The following ITPR1 variants were observed in gnomAD, a reference collection of about 807,000 sequenced individuals.
ITPR1 encodes inositol 1,4,5-trisphosphate-gated calcium channel ITPR1.
Under a neutral mutation model 318.4 loss-of-function variants are expected in ITPR1, and 96 were observed. That is an observed-to-expected ratio of 0.30 (90% CI 0.26 to 0.36). The LOEUF is 0.36. Among genes scored for constraint, ITPR1 ranks in the 10% least tolerant of loss-of-function variants. ITPR1 has a pLI of 1.00. For synonymous variants in ITPR1, 1,312 were observed against 1,289.9 expected, an observed-to-expected ratio of 1.02 and a Z score of -0.37; for missense variants, 2,440 against 3,460.2, an observed-to-expected ratio of 0.71 and a Z score of 7.40.
At chr3:4,762,847 C>T (rs922795025) in intron 44 of ITPR1, among the ~76,000 whole-genome samples, 1 of 152,174 alleles carries the variant, frequency 6.6e-6, no homozygotes, top group African/African-American at 2.4e-5. Context: ...GGTACATACC[C>T]AAAGGAACAT....
At chr3:4,824,801 A>G (rs1211239410) in intron 60 of ITPR1, among the ~76,000 whole-genome samples, 2 of 152,182 alleles carry the variant, frequency 1.3e-5, no homozygotes, top group Non-Finnish European at 2.9e-5. Flanking sequence ...TGCTCAGACA[A>G]CCACTTCACA....
chr3:4,743,917 C>G (rs2043887931), intron 44 of ITPR1, among the ~76,000 whole-genome samples: 1 of 152,214 alleles, frequency 6.6e-6, no homozygotes, highest in East Asian at 1.9e-4. Context: ...TCACTGCAAC[C>G]TCCGCCTCAT....
At chr3:4,719,648 G>A (rs917434672) in intron 40 of ITPR1, among the ~76,000 whole-genome samples, 1 of 152,200 alleles carries the variant, frequency 6.6e-6, no homozygotes, top group Non-Finnish European at 1.5e-5. Context: ...GATCATAAAG[G>A]CCACTTGATG....
chr3:4,701,397 C>T (rs927924944), intron 35 of ITPR1, among the ~76,000 whole-genome samples: 5 of 152,216 alleles, frequency 3.3e-5, no homozygotes, highest in East Asian at 1.9e-4. Flanking sequence ...CTCATTGGGC[C>T]CTTTGAGTTA....
chr3:4,554,705 GC>G (rs35293528), intron 4 of ITPR1, among the ~76,000 whole-genome samples: 64,674 of 151,896 alleles, frequency 0.43, 14,785 homozygotes, highest in East Asian at 0.57. Flanking sequence ...CATGATGGGG[GC>G]CAGTGACTCG....
At chr3:4,575,332 A>G (rs757740085) in intron 4 of ITPR1, among the ~76,000 whole-genome samples, 2 of 152,228 alleles carry the variant, frequency 1.3e-5, no homozygotes, top group South Asian at 2.1e-4. Flanking sequence ...GGCTTCCTCC[A>G]TATAGAATAA....
intron 17 of ITPR1, among the ~76,000 whole-genome samples, chr3:4,666,657 A>G (rs1294740720): frequency 6.6e-6 from 1 of 152,214 alleles, no homozygotes; most frequent in African/African-American, 2.4e-5. Context: ...TTAGGAATTA[A>G]TGGGAAAAAA....
intron 42 of ITPR1, among the ~76,000 whole-genome samples, chr3:4,731,066 A>G (rs2042895364): frequency 6.6e-6 from 1 of 152,252 alleles, no homozygotes; most frequent in Non-Finnish European, 1.5e-5. Flanking sequence ...ATGCATTATG[A>G]TATTTAAAAA....
intron 40 of ITPR1, among the ~76,000 whole-genome samples, chr3:4,722,080 C>T (rs1215005656): frequency 2.0e-5 from 3 of 152,126 alleles, no homozygotes; most frequent in African/African-American, 7.2e-5. Context: ...GGGCCTGATT[C>T]GTGGCCTCAT....
At chr3:4,620,391 G>C (rs2125115592) in intron 4 of ITPR1, among the ~76,000 whole-genome samples, 2 of 152,290 alleles carry the variant, frequency 1.3e-5, no homozygotes, top group Middle Eastern at 3.4e-3. Context: ...ACAGGGGTCT[G>C]ACTGCTCTTC....
intron 32 of ITPR1, among the ~76,000 whole-genome samples, chr3:4,692,923 C>G (rs1227353419): frequency 6.6e-6 from 1 of 152,144 alleles, no homozygotes; most frequent in African/African-American, 2.4e-5. Flanking sequence ...GAGTTCGAGA[C>G]CAGCCTAGCC....
intron 4 of ITPR1, among the ~76,000 whole-genome samples, 163 bp from the exon 5 acceptor site, chr3:4,627,600 T>A (rs2092876488): frequency 6.6e-6 from 1 of 152,212 alleles, no homozygotes; most frequent in African/African-American, 2.4e-5. Context: ...TGGTGGCAAT[T>A]AAATTCAAAA....
intron 34 of ITPR1, among the ~76,000 whole-genome samples, chr3:4,698,033 G>C (rs2094586883): frequency 6.6e-6 from 1 of 152,150 alleles, no homozygotes; most frequent in Non-Finnish European, 1.5e-5. Context: ...AGCCTCAAGA[G>C]TGGCCTTAAG....
intron 44 of ITPR1, among the ~76,000 whole-genome samples, chr3:4,762,319 G>A (rs994078111): frequency 1.2e-4 from 19 of 152,202 alleles, no homozygotes; most frequent in Non-Finnish European, 1.0e-4. Flanking sequence ...TAGCTATCGT[G>A]TTACTGTAGT....
intron 44 of ITPR1, among the ~76,000 whole-genome samples, chr3:4,742,667 G>T (rs1041892686): frequency 4.6e-5 from 7 of 152,066 alleles, no homozygotes; most frequent in Non-Finnish European, 1.0e-4. Context: ...CTATGTTGCT[G>T]AGGCTAGACT....
intron 5 of ITPR1, among the ~76,000 whole-genome samples, chr3:4,632,322 A>G (rs141962177): frequency 2.7e-4 from 41 of 152,326 alleles, no homozygotes; most frequent in African/African-American, 9.6e-4. Flanking sequence ...TTATTAATAC[A>G]TCTCCAACTC....
chr3:4,737,413 G>C (rs1282509334), intron 44 of ITPR1, among the ~76,000 whole-genome samples: 1 of 152,188 alleles, frequency 6.6e-6, no homozygotes, highest in Admixed American at 6.5e-5. Context: ...GACTGAAAGG[G>C]GGAAATTGGG....
At chr3:4,837,913 G>A (rs1418730647) in intron 61 of ITPR1, among the ~76,000 whole-genome samples, 2 of 152,144 alleles carry the variant, frequency 1.3e-5, no homozygotes, top group Non-Finnish European at 2.9e-5. Context: ...CAACTCCATA[G>A]ACAAGATTAT....
intron 4 of ITPR1, among the ~76,000 whole-genome samples, chr3:4,619,607 T>C (rs1227580642): frequency 1.8e-4 from 6 of 33,948 alleles, no homozygotes; most frequent in African/African-American, 3.4e-4. Flanking sequence ...CCTGCTCTCC[T>C]CTGCCCTCCC....
Sources: allele counts gnomAD v4.1 joint callset (sites outside exome capture counted in the v4.1 genomes callset), GRCh38; gene constraint gnomAD v4.1.1; transcripts MANE v1.5; gene names NCBI Gene and HGNC (gene_info 2026-07-23, HGNC 2026-07-21).